Variants in NTN1 observed in about 807,000 individuals in gnomAD.
NTN1 encodes netrin-1.
A neutral mutation model predicts 54.2 loss-of-function variants in NTN1; 11 were observed. The ratio of observed to expected loss-of-function variants is 0.20; its 90% CI spans 0.13 to 0.34. The LOEUF (loss-of-function observed/expected upper bound fraction) is 0.34, where lower values mean the gene tolerates loss of function less well. NTN1 is among the 10% of genes least tolerant of loss of function. The pLI is 1.00. For missense variants in NTN1, 740 were observed against 893.1 expected, an observed-to-expected ratio of 0.83 and a Z score of 2.18; for synonymous variants, 371 against 382.0, an observed-to-expected ratio of 0.97 and a Z score of 0.33.
At chr17:9,009,262 C>T in the NTN1 span, among the ~76,000 whole-genome samples, 1 of 152,150 alleles carries the variant, frequency 6.6e-6, no homozygotes, top group African/African-American at 2.4e-5. Flanking sequence ...CCTGCATCAC[C>T]CTGCTGACCA....
intron 2 of NTN1, among the ~76,000 whole-genome samples, chr17:9,154,659 A>G (rs531554093): frequency 1.8e-4 from 27 of 152,312 alleles, no homozygotes; most frequent in East Asian, 1.7e-3. Flanking sequence ...AGAAAAACAC[A>G]CTGGAGGCGG....
At chr17:9,054,175 A>G (rs1299314846) in intron 2 of NTN1, among the ~76,000 whole-genome samples, 13 of 152,314 alleles carry the variant, frequency 8.5e-5, no homozygotes, top group Non-Finnish European at 1.5e-5. Context: ...GAACCTAGCA[A>G]CTGGGTTAGC....
intron 2 of NTN1, among the ~76,000 whole-genome samples, chr17:9,105,648 GTC>G (rs771242515): frequency 6.7e-6 from 1 of 149,782 alleles, no homozygotes. Flanking sequence ...GATCTGTTCT[GTC>G]TCTCTCTCTT....
intron 2 of NTN1, among the ~76,000 whole-genome samples, chr17:9,052,049 T>C (rs2091962362): frequency 1.3e-5 from 2 of 152,158 alleles, no homozygotes; most frequent in Admixed American, 1.3e-4. Flanking sequence ...CTCAGCTCAC[T>C]GCAACCTCTG....
At chr17:9,016,222 G>A in the NTN1 span, among the ~76,000 whole-genome samples, 1 of 152,070 alleles carries the variant, frequency 6.6e-6, no homozygotes, top group Non-Finnish European at 1.5e-5. Context: ...ACCAGCACTG[G>A]TCAGTCTTCG....
At chr17:9,137,678 C>G (rs566383571) in intron 2 of NTN1, among the ~76,000 whole-genome samples, 1 of 152,148 alleles carries the variant, frequency 6.6e-6, no homozygotes, top group African/African-American at 2.4e-5. Flanking sequence ...CCTGTAATCC[C>G]AGCTACTTGG....
At chr17:9,206,618 C>T (rs974912470) in intron 5 of NTN1, among the ~76,000 whole-genome samples, 1 of 152,232 alleles carries the variant, frequency 6.6e-6, no homozygotes, top group Non-Finnish European at 1.5e-5. Context: ...GATGGGCTTC[C>T]AGGCCAGGCA....
At chr17:9,236,128 G>A (rs567236845) in intron 6 of NTN1, among the ~76,000 whole-genome samples, 1 of 104,536 alleles carries the variant, frequency 9.6e-6, no homozygotes, top group African/African-American at 2.8e-5. Context: ...AGAATTTGGG[G>A]GGGGGGGTAC....
intron 2 of NTN1, among the ~76,000 whole-genome samples, chr17:9,080,787 C>A (rs1360146540): frequency 1.3e-5 from 2 of 152,166 alleles, no homozygotes; most frequent in Non-Finnish European, 2.9e-5. Flanking sequence ...GTAATGAAGC[C>A]TCCATAAAAA....
intron 2 of NTN1, among the ~76,000 whole-genome samples, chr17:9,037,705 A>T (rs552888905): frequency 1.3e-5 from 2 of 152,208 alleles, no homozygotes; most frequent in African/African-American, 4.8e-5. Flanking sequence ...CCTTAGCCCG[A>T]TGGACAAAGC....
At chr17:9,155,888 C>T (rs1391740408) in intron 2 of NTN1, among the ~76,000 whole-genome samples, 1 of 152,178 alleles carries the variant, frequency 6.6e-6, no homozygotes, top group African/African-American at 2.4e-5. Flanking sequence ...CCTCCCCAGT[C>T]ATGATAACCA....
Position 9,101,324 on chromosome 17 carries a change from C to A in NTN1, c.1019-61489C>A, listed in dbSNP as rs2092149705. On this transcript the variant is annotated intron_variant, in intron 2 of 6. Coordinates refer to ENST00000173229, the MANE Select transcript of NTN1 (RefSeq NM_004822.3). ...GGAGTTGATTCGTGAGACTCTTAAA[C>A]AAGACCAGACGTGGGTTACTCTTTG... Among the ~76,000 whole-genome samples, 3 of 126,338 alleles carry A rather than the reference C, an allele frequency of 2.4e-5. No individual in the cohort carries two copies. In the South Asian group the frequency reaches 7.3e-4, roughly 31 times the overall value. 82.9% of individuals were successfully genotyped at this position (126,338 alleles called of 152,430 possible).
chr17:9,100,646 T>C (rs2092147704), intron 2 of NTN1, among the ~76,000 whole-genome samples: 1 of 152,190 alleles, frequency 6.6e-6, no homozygotes, highest in South Asian at 2.1e-4. Context: ...AACTATATCA[T>C]GTGTATAGCA....
chr17:9,203,070 G>T (rs776943304), intron 5 of NTN1, among the ~76,000 whole-genome samples: 3 of 152,026 alleles, frequency 2.0e-5, no homozygotes, highest in Admixed American at 6.5e-5. Flanking sequence ...TACAGGCGCT[G>T]GCCACCAAGC....
chr17:9,235,331 T>C (rs1440975041), intron 6 of NTN1, among the ~76,000 whole-genome samples: 1 of 152,226 alleles, frequency 6.6e-6, no homozygotes, highest in Non-Finnish European at 1.5e-5. Flanking sequence ...ACCGTCTGCC[T>C]TTCTGAGAGC....
intron 2 of NTN1, among the ~76,000 whole-genome samples, chr17:9,106,273 T>C (rs1340542386): frequency 6.6e-6 from 1 of 152,180 alleles, no homozygotes; most frequent in Non-Finnish European, 1.5e-5. Context: ...GGTTTGTGCC[T>C]TGGCAAATCT....
intron 6 of NTN1, among the ~76,000 whole-genome samples, chr17:9,224,864 A>G (rs1453388787): frequency 6.6e-6 from 1 of 152,106 alleles, no homozygotes; most frequent in Non-Finnish European, 1.5e-5. Context: ...TGGCACCACT[A>G]GCTTTCATGT....
chr17:9,152,585 C>T (rs2092330824), intron 2 of NTN1, among the ~76,000 whole-genome samples: 1 of 152,158 alleles, frequency 6.6e-6, no homozygotes, highest in African/African-American at 2.4e-5. Flanking sequence ...TTTCCACAGC[C>T]CTGTCACTGG....
intron 6 of NTN1, among the ~76,000 whole-genome samples, chr17:9,224,811 G>GC (rs1555578455): frequency 5.3e-5 from 8 of 151,368 alleles, no homozygotes; most frequent in African/African-American, 7.3e-5. Context: ...GGGTGGGGGG[G>GC]CACAGTGGGA....
Sources: allele counts gnomAD v4.1 joint callset (sites outside exome capture counted in the v4.1 genomes callset), GRCh38; gene constraint gnomAD v4.1.1; transcripts MANE v1.5; gene names NCBI Gene and HGNC (gene_info 2026-07-23, HGNC 2026-07-21).